MIER3: variants seen among roughly 807,000 people sequenced by gnomAD.
MIER3 encodes MIER family member 3, also known as mesoderm induction early response protein 3.
Under a neutral mutation model 63.2 loss-of-function variants are expected in MIER3, and 9 were observed. That is an observed-to-expected ratio of 0.14 (90% CI 0.09 to 0.25). The LOEUF (loss-of-function observed/expected upper bound fraction) is 0.25. Ranked by LOEUF, MIER3 falls within the 10% of genes least tolerant of loss-of-function variation. MIER3 has a pLI of 1.00. For synonymous variants in MIER3, 205 were observed against 224.9 expected, an observed-to-expected ratio of 0.91 and a Z score of 0.79; for missense variants, 512 against 666.2, an observed-to-expected ratio of 0.77 and a Z score of 2.55.
chr5:56,931,572 AAAAG>A (rs1750268594), intron 8 of MIER3, among the ~76,000 whole-genome samples: 1 of 152,174 alleles, frequency 6.6e-6, no homozygotes, highest in African/African-American at 2.4e-5. Context: ...TCTAATTTTA[AAAAG>A]AAAAAACCCA....
At chr5:56,945,927 T>C (rs925288235) in intron 3 of MIER3, among the ~76,000 whole-genome samples, 5 of 152,230 alleles carry the variant, frequency 3.3e-5, no homozygotes, top group Admixed American at 1.3e-4. Context: ...TCTTTATATT[T>C]GTGTCTCTAC....
At position 56,923,167 on chromosome 5, in the gene MIER3, G is replaced by A; in HGVS notation, c.1614C>T (p.Ala538=). ...GGGCCGCGTGCTGATGCAGAGCATG[G>A]GCACTGATGAAACCATTGGTCTCGT... ...SANETNGFIS[A]HALHQHAALH... Residue 538 remains alanine (A), a synonymous_variant, in exon 13 of 13, where the codon GCC becomes GCT. Coordinates refer to ENST00000381199, the MANE Select transcript of MIER3 (RefSeq NM_001297599.2). The A allele has an allele frequency of 1.2e-6, 2 of 1,614,008 alleles. No individual in the cohort carries two copies. Among genetic ancestry groups the A allele is most frequent in the South Asian group, 2.2e-5 (2 of 91,078 alleles).
At chr5:56,937,207 C>G (rs999168867) in intron 5 of MIER3, among the ~76,000 whole-genome samples, 1 of 152,098 alleles carries the variant, frequency 6.6e-6, no homozygotes, top group African/African-American at 2.4e-5. Context: ...TCCCAAGTAG[C>G]TGGGATTACA....
At chr5:56,943,751 A>AT (rs1332495911) in intron 3 of MIER3, among the ~76,000 whole-genome samples, 1 of 152,172 alleles carries the variant, frequency 6.6e-6, no homozygotes, top group Non-Finnish European at 1.5e-5. Flanking sequence ...CATAAAAACA[A>AT]TTTTTTCAAA....
rs1164169479 is a variant in MIER3, at chr5:56,928,854, C to A, written c.837G>T (p.Met279Ile). 10 of 1,609,740 alleles carry A rather than the reference C, an allele frequency of 6.2e-6. No individual in the cohort carries two copies. Among genetic ancestry groups the A allele is most frequent in the South Asian group, 1.1e-5 (1 of 89,868 alleles). The change falls in exon 10 of 13, where the codon ATG becomes ATT. Residue 279 changes from methionine to isoleucine, a missense_variant. Transcript: ENST00000381199. ...CCNGKASQEGMTAWTEEECRS... is the reference protein window; with the variant it reads ...CCNGKASQEGITAWTEEECRS... Reference sequence around the variant, plus strand: ...GGCATTCTTCTTCCGTCCATGCAGTCATTCCTTCTAAGAAAAATTTTAAAA... The same window carrying A: ...GGCATTCTTCTTCCGTCCATGCAGTAATTCCTTCTAAGAAAAATTTTAAAA...
rs1436640768 is a variant in MIER3, at chr5:56,922,548, G to C, written c.*580C>G. The C allele has an allele frequency of 6.5e-6, 1 of 153,464 alleles. No homozygotes were observed. The highest frequency in any genetic ancestry group is 2.4e-5 in the African/African-American group (1 of 41,440). The allele number at this position is 153,464 out of a possible 1,614,324, so 9.5% of individuals were successfully genotyped here. On this transcript the variant is annotated 3_prime_UTR_variant, in exon 13 of 13. Coordinates refer to ENST00000381199, the MANE Select transcript of MIER3 (RefSeq NM_001297599.2). ...AGTGCTCTAGTTGAATAACATGAGA[G>C]AAGTTTCCATTTTTAAAAAATCCTT...
intron 5 of MIER3, 125 bp downstream of exon 5, chr5:56,937,453 G>T (rs946878348): frequency 2.2e-6 from 2 of 918,560 alleles, no homozygotes; most frequent in Non-Finnish European, 3.1e-6. Flanking sequence ...TTAAATTATA[G>T]AAGTATTTTA....
intron 8 of MIER3, among the ~76,000 whole-genome samples, chr5:56,931,201 G>A (rs111267659): frequency 3.9e-5 from 6 of 152,076 alleles, no homozygotes; most frequent in African/African-American, 9.7e-5. Context: ...GGATTATAAC[G>A]GTCTCCGTTA....
At chr5:56,929,005 A>ACACACACTCT (rs777014337) in intron 9 of MIER3, 144 bp from the exon 10 acceptor site, 8 of 510,946 alleles carry the variant, frequency 1.6e-5, no homozygotes, top group East Asian at 1.3e-4. Context: ...ACACACACAC[A>ACACACACTCT]CTCTCTCTCT....
chr5:56,944,344 G>A (rs973333614), intron 3 of MIER3, among the ~76,000 whole-genome samples: 6 of 152,046 alleles, frequency 3.9e-5, no homozygotes, highest in African/African-American at 1.4e-4. Context: ...AGCCAGGCTT[G>A]GTGGCGGGCA....
At chr5:56,951,358 G>C (rs1418604771) in intron 1 of MIER3, among the ~76,000 whole-genome samples, 1 of 151,830 alleles carries the variant, frequency 6.6e-6, no homozygotes, top group Non-Finnish European at 1.5e-5. Context: ...CAGCTCACCA[G>C]TCCCGGGGGA....
chr5:56,922,372 C>T lies in MIER3; in HGVS notation c.*756G>A, dbSNP rs1192018167. 1 of 152,508 alleles carries T rather than the reference C, an allele frequency of 6.6e-6. No individual in the cohort carries two copies. The highest frequency in any genetic ancestry group is 1.5e-5 in the Non-Finnish European group (1 of 68,020). 9.4% of individuals were successfully genotyped at this position (152,508 alleles called of 1,614,324 possible). On this transcript the variant is annotated 3_prime_UTR_variant, in exon 13 of 13. Transcript: ENST00000381199. ...ACTGTAGCCAATAAATGAAGTTACACAGAAATCTCCTGGCAGTAACATGAC... is the reference window on the plus strand; with the variant it reads ...ACTGTAGCCAATAAATGAAGTTACATAGAAATCTCCTGGCAGTAACATGAC...
chr5:56,929,685 TAAGA>T (rs1189210582), intron 9 of MIER3: 2 of 152,188 alleles, frequency 1.3e-5, no homozygotes, highest in African/African-American at 2.4e-5. Flanking sequence ...ATAAAGGAAA[TAAGA>T]AACAGTCCAT....
intron 3 of MIER3, among the ~76,000 whole-genome samples, chr5:56,946,446 A>T (rs1371977511): frequency 6.6e-6 from 1 of 152,134 alleles, no homozygotes; most frequent in Non-Finnish European, 1.5e-5. Context: ...TTAAAGGAGC[A>T]GGGGATGGGA....
In MIER3 at chr5:56,920,479, T is replaced by C. The variant is rs529673297; in HGVS notation, c.*2649A>G. ...AAAAACAAAAAGAATTTATCACAGTTTGTTATAAGAATTGTGCTTAACACT... is the reference window on the plus strand; with the variant it reads ...AAAAACAAAAAGAATTTATCACAGTCTGTTATAAGAATTGTGCTTAACACT... On this transcript the variant is annotated 3_prime_UTR_variant, in exon 13 of 13. Transcript: ENST00000381199. The C allele has an allele frequency of 2.2e-4, 34 of 152,592 alleles. No homozygotes were observed. The highest frequency in any genetic ancestry group is 4.7e-4 in the Non-Finnish European group (32 of 67,964). 9.5% of individuals were successfully genotyped at this position (152,592 alleles called of 1,614,324 possible).
At position 56,933,377 on chromosome 5, in the gene MIER3, A is replaced by G; in HGVS notation, c.617T>C (p.Leu206Ser). Residue 206 changes from leucine to serine, a missense_variant, in exon 8 of 13, where the codon TTA (leucine) becomes TCA (serine). Coordinates refer to ENST00000381199, the MANE Select transcript of MIER3 (RefSeq NM_001297599.2). ...CAAAACCACATCAGGACACCAAAGT[A>G]ACTGGTCTTCGTTTTCATATACTGA... ...NEKVYENEDQLLWCPDVVLES... is the reference protein window; with the variant it reads ...NEKVYENEDQSLWCPDVVLES... 6.2e-7 allele frequency: 1 copy of G among 1,611,170 alleles called. No homozygotes were observed.
At chr5:56,940,471 A>G (rs771721735) in intron 3 of MIER3, among the ~76,000 whole-genome samples, 2 of 152,204 alleles carry the variant, frequency 1.3e-5, no homozygotes, top group African/African-American at 2.4e-5. Flanking sequence ...AGGGGATGCA[A>G]AAGTTTGGCC....
intron 2 of MIER3, among the ~76,000 whole-genome samples, chr5:56,947,591 C>A (rs1388207656): frequency 1.3e-5 from 2 of 152,164 alleles, no homozygotes; most frequent in Non-Finnish European, 2.9e-5. Flanking sequence ...ATATAAGTTT[C>A]TGTGAAGCAG....
intron 5 of MIER3, 79 bp from the exon 6 acceptor site, chr5:56,935,830 ATGT>A (rs1241957909): frequency 4.8e-6 from 5 of 1,042,286 alleles, no homozygotes; most frequent in Non-Finnish European, 7.3e-6. Flanking sequence ...ATTTTACAAA[ATGT>A]TGTTAAATAT....
Sources: allele counts gnomAD v4.1 joint callset (sites outside exome capture counted in the v4.1 genomes callset), GRCh38; gene constraint gnomAD v4.1.1; transcripts MANE v1.5; gene names NCBI Gene and HGNC (gene_info 2026-07-23, HGNC 2026-07-21).